The following CCDC178 variants were observed in gnomAD, a reference collection of about 807,000 sequenced individuals.
The protein encoded by CCDC178 is coiled-coil domain-containing protein 178.
A neutral mutation model predicts 117.4 loss-of-function variants in CCDC178; 126 were observed. The ratio of observed to expected loss-of-function variants is 1.07; its 90% CI spans 0.93 to 1.24. The LOEUF (loss-of-function observed/expected upper bound fraction) is 1.24. Ranked by LOEUF, CCDC178 falls within the 50% of genes most tolerant of loss-of-function variation. The pLI is 0.00. For missense variants in CCDC178, 1,030 were observed against 986.9 expected (o/e 1.04, Z -0.59); for synonymous variants, 283 against 313.4 (o/e 0.90, Z 1.02).
intron 21 of CCDC178, among the ~76,000 whole-genome samples, chr18:33,041,323 A>C (rs1270821611): frequency 6.6e-6 from 1 of 151,646 alleles, no homozygotes; most frequent in African/African-American, 2.4e-5. Context: ...GAAAGCATGG[A>C]AATATTTATA....
intron 22 of CCDC178, among the ~76,000 whole-genome samples, chr18:32,944,253 G>C (rs762091843): frequency 3.9e-5 from 6 of 152,200 alleles, no homozygotes; most frequent in Non-Finnish European, 5.9e-5. Flanking sequence ...TCTAATAAAA[G>C]AGATGATGTG....
At chr18:32,956,833 C>T (rs907587344) in intron 22 of CCDC178, 8 of 152,046 alleles carry the variant, frequency 5.3e-5, no homozygotes, top group Admixed American at 4.6e-4. Flanking sequence ...ATTCCCTGCT[C>T]ATAATATTAG....
chr18:32,989,430 A>T (rs2144737482), intron 21 of CCDC178, among the ~76,000 whole-genome samples: 1 of 152,272 alleles, frequency 6.6e-6, no homozygotes, highest in African/African-American at 2.4e-5. Context: ...TGATAATAAC[A>T]ATCAGTATCT....
In CCDC178 at chr18:32,968,655, T is replaced by C. The variant is rs144177852; in HGVS notation, c.2523+5892A>G. 2.2e-3 allele frequency among the ~76,000 whole-genome samples: 335 copies of C among 152,202 alleles called. 3 individuals carry two copies. The highest frequency in any genetic ancestry group is 7.8e-3 in the African/African-American group (323 of 41,564). On this transcript the variant is annotated intron_variant, in intron 22 of 22. Coordinates refer to ENST00000383096, the MANE Select transcript of CCDC178 (RefSeq NM_001105528.4). The stretch of plus-strand genomic sequence containing the variant: ...ATTTATCGTATATATTCTTAAATTA[T>C]AGGCAACTATAATTAAATACTTTTT...
intron 20 of CCDC178, among the ~76,000 whole-genome samples, chr18:33,179,684 T>C (rs760188516): frequency 6.6e-6 from 1 of 151,998 alleles, no homozygotes; most frequent in Non-Finnish European, 1.5e-5. Context: ...CCAATCAAAT[T>C]GTTTATGCAA....
chr18:33,194,946 CAGAG>C (rs149465796), intron 20 of CCDC178, among the ~76,000 whole-genome samples: 8 of 106,182 alleles, frequency 7.5e-5, no homozygotes, highest in African/African-American at 1.4e-4. Context: ...GAGAGAGAGA[CAGAG>C]AGAGAGAGAG....
intron 11 of CCDC178, among the ~76,000 whole-genome samples, chr18:33,301,232 TG>T (rs1477423755): frequency 2.6e-5 from 4 of 152,184 alleles, no homozygotes. Flanking sequence ...GTTAAGCCTG[TG>T]GGTGCATAGA....
intron 4 of CCDC178, among the ~76,000 whole-genome samples, chr18:33,392,641 C>T (rs1320215141): frequency 1.3e-5 from 2 of 152,010 alleles, no homozygotes; most frequent in Non-Finnish European, 2.9e-5. Context: ...CAGATACTGA[C>T]ACGAAATAAT....
intron 21 of CCDC178, among the ~76,000 whole-genome samples, chr18:33,080,678 C>G (rs1319506198): frequency 6.6e-6 from 1 of 152,102 alleles, no homozygotes; most frequent in Non-Finnish European, 1.5e-5. Flanking sequence ...CAAACTAATA[C>G]AGTAGTTTTG....
At chr18:33,147,210 A>G (rs1260311634) in intron 20 of CCDC178, among the ~76,000 whole-genome samples, 1 of 150,290 alleles carries the variant, frequency 6.7e-6, no homozygotes, top group Non-Finnish European at 1.5e-5. Context: ...GGGAGTTTCA[A>G]ATCAAAGTAC....
chr18:33,132,715 T>G (rs1288223203), intron 20 of CCDC178, among the ~76,000 whole-genome samples: 1 of 151,760 alleles, frequency 6.6e-6, no homozygotes, highest in Non-Finnish European at 1.5e-5. Context: ...CAATTTTTTC[T>G]AAATAGTGTT....
intron 15 of CCDC178, among the ~76,000 whole-genome samples, chr18:33,236,174 A>G (rs560633610): frequency 6.6e-6 from 1 of 152,320 alleles, no homozygotes; most frequent in South Asian, 2.1e-4. Context: ...ATTAATTTCT[A>G]GATGATGGAT....
intron 3 of CCDC178, among the ~76,000 whole-genome samples, chr18:33,406,522 A>G (rs1159972248): frequency 6.6e-6 from 1 of 152,068 alleles, no homozygotes; most frequent in Non-Finnish European, 1.5e-5. Context: ...TGAAAAGAGA[A>G]ACAGAAAAAT....
rs145594933 is a variant in CCDC178, at chr18:32,954,909, C to T, written c.2524-16818G>A. ...AAATATCTATGTTAGAAACTAAATG[C>T]TACATCCACTTAAAAAAAAAAGTCT... On this transcript the variant is annotated intron_variant, in intron 22 of 22. Transcript: ENST00000383096. 9.4e-4 allele frequency among the ~76,000 whole-genome samples: 143 copies of T among 152,178 alleles called. 1 individual carries two copies. The highest frequency in any genetic ancestry group is 3.4e-3 in the African/African-American group (140 of 41,538).
At chr18:32,974,787 C>A in intron 21 of CCDC178, 106 bp from the exon 22 acceptor site, 1 of 1,118,268 alleles carries the variant, frequency 8.9e-7, no homozygotes, top group Admixed American at 2.0e-5. Context: ...CAGTCAATAG[C>A]CCATTCTGCA....
At chr18:33,436,031 A>G (rs2064285613) in intron 2 of CCDC178, among the ~76,000 whole-genome samples, 1 of 151,966 alleles carries the variant, frequency 6.6e-6, no homozygotes. Flanking sequence ...TTTGGGAATT[A>G]TTATTATAGA....
chr18:33,344,164 C>T (rs559643479), intron 9 of CCDC178, among the ~76,000 whole-genome samples: 6 of 150,644 alleles, frequency 4.0e-5, no homozygotes, highest in South Asian at 4.2e-4. Flanking sequence ...ATTAGCCGGG[C>T]GCGGTGGCGG....
At chr18:33,124,429 T>C (rs1385450389) in intron 20 of CCDC178, among the ~76,000 whole-genome samples, 1 of 152,184 alleles carries the variant, frequency 6.6e-6, no homozygotes, top group African/African-American at 2.4e-5. Context: ...AGATGAGTTC[T>C]TTACTTGTTA....
chr18:33,296,898 C>T (rs1464407670), intron 11 of CCDC178, among the ~76,000 whole-genome samples: 1 of 152,056 alleles, frequency 6.6e-6, no homozygotes, highest in Non-Finnish European at 1.5e-5. Flanking sequence ...GTGTCGTACA[C>T]CTGTAATCCC....
Sources: gnomAD v4.1 joint callset for allele counts (sites outside exome capture counted in the v4.1 genomes callset) on GRCh38, gnomAD v4.1.1 for gene constraint, MANE v1.5 for transcripts, NCBI Gene and HGNC (gene_info 2026-07-23, HGNC 2026-07-21) for gene names.